Variants in HIPK2 observed in about 807,000 individuals in gnomAD.
HIPK2 encodes homeodomain interacting protein kinase 2.
Under a neutral mutation model 113.7 loss-of-function variants are expected in HIPK2, and 27 were observed. The ratio of observed to expected loss-of-function variants is 0.24; its 90% CI spans 0.17 to 0.33. The LOEUF is 0.33. HIPK2 is among the 10% of genes least tolerant of loss of function. HIPK2 has a pLI of 1.00. For synonymous variants in HIPK2, 631 were observed against 642.2 expected (o/e 0.98, Z 0.26); for missense variants, 1,257 against 1,588.0 (o/e 0.79, Z 3.54).
chr7:139,672,616 G>A (rs567226477), intron 2 of HIPK2, among the ~76,000 whole-genome samples: 33 of 152,128 alleles, frequency 2.2e-4, no homozygotes, highest in East Asian at 7.7e-4. Flanking sequence ...CTGCCACCAC[G>A]CCCGCCTAAT....
chr7:139,605,290 C>T (rs1318457925), intron 9 of HIPK2, among the ~76,000 whole-genome samples: 1 of 150,872 alleles, frequency 6.6e-6, no homozygotes, highest in Non-Finnish European at 1.5e-5. Context: ...TCTTTTAATC[C>T]ATGATCACTA....
At position 139,583,996 on chromosome 7, in the gene HIPK2, G is replaced by A. The variant is rs758295040; in HGVS notation, c.2786C>T (p.Ser929Phe). 1.9e-6 allele frequency: 3 copies of A among 1,613,870 alleles called. No individual in the cohort carries two copies. Among genetic ancestry groups the A allele is most frequent in the East Asian group, 4.5e-5 (2 of 44,888 alleles). The change falls in exon 13 of 15, where the codon TCC becomes TTC. Residue 929 changes from serine to phenylalanine, a missense_variant. By Grantham distance (155) the Ser-to-Phe change is radical (BLOSUM62 -2). Coordinates refer to ENST00000406875, the MANE Select transcript of HIPK2 (RefSeq NM_022740.5). ...VTVHDSPYSD[S>F]SSNTSPYSVQ... The stretch of plus-strand genomic sequence containing the variant: ...GGAGTAGGGGCTGGTGTTGCTGGAG[G>A]AGTCGGAGTAGGGGGAGTCGTGGAC...
At chr7:139,693,027 G>T (rs1438152992) in intron 2 of HIPK2, among the ~76,000 whole-genome samples, 1 of 152,142 alleles carries the variant, frequency 6.6e-6, no homozygotes, top group Non-Finnish European at 1.5e-5. Context: ...TGCAGGAAGG[G>T]GCTGGCATAA....
rs751302512 is a variant in HIPK2 at position 139,573,175 on chromosome 7, C to T, written c.3349G>A (p.Val1117Met). Residue 1117 changes from valine to methionine, a missense_variant, in exon 15 of 15, where the codon GTG becomes ATG. Physicochemically the swap from Val to Met is conservative, Grantham distance 21. Around this residue, in one of 5 missense-constraint regions of HIPK2, gnomAD observed 862 missense variants for 1,004.3 expected, o/e 0.86. Transcript: ENST00000406875. The part of the protein sequence containing the change: ...APAALGSTGT[V>M]AHLVASQGSA... ...CCTTGCGAGGCCACCAGGTGGGCCA[C>T]GGTGCCGGTGGAGCCCAGGGCCGCC... 3.8e-6 allele frequency: 6 copies of T among 1,567,694 alleles called. No homozygotes were observed. Among genetic ancestry groups the T allele is most frequent in the Middle Eastern group, 1.8e-4 (1 of 5,672 alleles).
At chr7:139,710,682 C>T (rs981597432) in intron 2 of HIPK2, among the ~76,000 whole-genome samples, 1 of 152,172 alleles carries the variant, frequency 6.6e-6, no homozygotes, top group African/African-American at 2.4e-5. Context: ...GAAAATTAAT[C>T]TCCACCCTGA....
Position 139,683,255 on chromosome 7 carries a change from G to T in HIPK2, c.1103+32677C>A, listed in dbSNP as rs1433285112. 6.6e-6 allele frequency among the ~76,000 whole-genome samples: 1 copy of T among 152,164 alleles called. No homozygotes were observed. Among genetic ancestry groups the T allele is most frequent in the South Asian group, 2.1e-4 (1 of 4,832 alleles). On this transcript the variant is annotated intron_variant, in intron 2 of 14. Coordinates refer to ENST00000406875, the MANE Select transcript of HIPK2 (RefSeq NM_022740.5). The surrounding 1 kb of genome is among the most constrained non-coding windows in gnomAD (Gnocchi z 4.2). ...AAAAATGCGAACAGAGACTGCATTA[G>T]CTGCCTGTTAATGTGTAACAAGGTA...
intron 2 of HIPK2, among the ~76,000 whole-genome samples, chr7:139,656,073 G>A (rs762131354): frequency 6.6e-6 from 1 of 152,012 alleles, no homozygotes; most frequent in African/African-American, 2.4e-5. Context: ...GCTGGTCTCT[G>A]CTCATTTCTC....
In HIPK2 at chr7:139,596,831, C is replaced by T. The variant is rs369995117; in HGVS notation, c.2603G>A (p.Arg868Gln). The T allele has an allele frequency of 3.5e-5, 56 of 1,613,990 alleles. No homozygotes were observed. Among genetic ancestry groups the T allele is most frequent in the South Asian group, 5.5e-5 (5 of 91,076 alleles). ...GWGDVASSTT[R>Q]ERQRQTIVIP... Reference sequence around the variant, plus strand: ...GACAATTGTCTGCCGCTGCCGTTCCCGGGTGGTGCTGGAGGCCACGTCGCC... The same window carrying T: ...GACAATTGTCTGCCGCTGCCGTTCCTGGGTGGTGCTGGAGGCCACGTCGCC... Residue 868 changes from arginine (R) to glutamine (Q), a missense_variant, in exon 12 of 15, where the codon CGG (arginine) becomes CAG (glutamine). Arg to Gln is a conservative substitution (Grantham distance 43, BLOSUM62 1). Coordinates refer to ENST00000406875, the MANE Select transcript of HIPK2 (RefSeq NM_022740.5).
chr7:139,634,316 G>A (rs1800730619), intron 2 of HIPK2, among the ~76,000 whole-genome samples: 1 of 151,988 alleles, frequency 6.6e-6, no homozygotes, highest in Non-Finnish European at 1.5e-5. Flanking sequence ...TCAGCTGCCA[G>A]TGTTCTGCTT....
rs934714089 is a variant in HIPK2 at position 139,624,518 on chromosome 7, C to T, written c.1619+2083G>A. Among the ~76,000 whole-genome samples the T allele has an allele frequency of 3.9e-5, 6 of 152,262 alleles. No individual in the cohort carries two copies. In the East Asian group the frequency reaches 5.8e-4, roughly 15 times the overall value. On this transcript the variant is annotated intron_variant, in intron 6 of 14. Transcript: ENST00000406875. The stretch of plus-strand genomic sequence containing the variant: ...CAGTACAGCCACTCATTCCCTGGAC[C>T]GTCAAACCTGAAATTGCTCCACCTC...
At chr7:139,759,800 A>G (rs1348847383) in intron 1 of HIPK2, among the ~76,000 whole-genome samples, 1 of 152,246 alleles carries the variant, frequency 6.6e-6, no homozygotes, top group African/African-American at 2.4e-5. Flanking sequence ...ATGGTTATCT[A>G]CGAGGGAACA....
chr7:139,642,459 C>T (rs1801059010), intron 2 of HIPK2, among the ~76,000 whole-genome samples: 1 of 152,168 alleles, frequency 6.6e-6, no homozygotes, highest in South Asian at 2.1e-4. Flanking sequence ...GAAAGCACCT[C>T]GGGGCAGCTG....
chr7:139,748,578 G>A (rs555629751), intron 1 of HIPK2, among the ~76,000 whole-genome samples: 6 of 151,868 alleles, frequency 4.0e-5, no homozygotes, highest in South Asian at 2.1e-4. Flanking sequence ...CTCTGCTTTC[G>A]TGCTCATGAG....
chr7:139,707,755 A>T (rs1163171195), intron 2 of HIPK2, among the ~76,000 whole-genome samples: 2 of 152,238 alleles, frequency 1.3e-5, no homozygotes, highest in Non-Finnish European at 2.9e-5. Context: ...TGCATACATG[A>T]GAGTTACAGC....
chr7:139,588,326 G>T (rs187816782), intron 12 of HIPK2, among the ~76,000 whole-genome samples: 9 of 150,430 alleles, frequency 6.0e-5, no homozygotes, highest in Non-Finnish European at 1.2e-4. Context: ...CCCACACCGC[G>T]CTGGCCCCCT....
chr7:139,592,636 C>A (rs530072097), intron 12 of HIPK2, among the ~76,000 whole-genome samples: 1 of 152,182 alleles, frequency 6.6e-6, no homozygotes, highest in Non-Finnish European at 1.5e-5. Context: ...ACAGCCTTTA[C>A]AAGACCATTT....
intron 13 of HIPK2, among the ~76,000 whole-genome samples, chr7:139,577,652 G>A (rs536641491): frequency 1.8e-4 from 27 of 152,180 alleles, no homozygotes; most frequent in Non-Finnish European, 3.2e-4. Context: ...AACAAGCATT[G>A]CTTCTGTTCC....
At chr7:139,777,344 C>A (rs1057068033) in intron 1 of HIPK2, 2 of 159,646 alleles carry the variant, frequency 1.3e-5, no homozygotes, top group African/African-American at 4.8e-5. Context: ...TCCCTGCCCT[C>A]CCCGGGCAGC....
chr7:139,620,455 C>G lies in HIPK2; in HGVS notation c.1728G>C (p.Thr576=). Residue 576 remains threonine (T), a synonymous_variant, in exon 7 of 15, where the codon ACG becomes ACC. Transcript: ENST00000406875. ...TAAAGGTCATGGTCAGGTTGGTGGA[C>G]GTGCTGGGGGCCACGTGCGTGATGA... The part of the protein sequence containing the change: ...TPFITHVAPS[T]STNLTMTFNN... 6.2e-7 allele frequency: 1 copy of G among 1,613,928 alleles called. No individual in the cohort carries two copies. Among genetic ancestry groups the G allele is most frequent in the Non-Finnish European group, 8.5e-7 (1 of 1,179,906 alleles).
Sources: allele counts gnomAD v4.1 joint callset (sites outside exome capture counted in the v4.1 genomes callset), GRCh38; gene constraint gnomAD v4.1.1; regional missense constraint gnomAD v4.1.1; non-coding constraint Gnocchi (gnomAD v3.1); transcripts MANE v1.5; gene names NCBI Gene and HGNC (gene_info 2026-07-23, HGNC 2026-07-21).